Variants in ANO10 observed in about 807,000 individuals in gnomAD.
The protein encoded by ANO10 is anoctamin 10.
In ANO10, 77 loss-of-function variants were observed where a neutral mutation model predicts 74.7. The observed-to-expected ratio is 1.03, with a 90% CI of 0.86 to 1.25. The LOEUF (loss-of-function observed/expected upper bound fraction) is 1.25, where lower values mean the gene tolerates loss of function less well. Among genes scored for constraint, ANO10 ranks in the 50% most tolerant of loss-of-function variants. ANO10 has a pLI of 0.00. For missense variants in ANO10, 721 were observed against 778.1 expected (o/e 0.93, Z 0.87); for synonymous variants, 279 against 284.9 (o/e 0.98, Z 0.21).
intron 7 of ANO10, among the ~76,000 whole-genome samples, chr3:43,568,346 C>G (rs1382406274): frequency 6.6e-6 from 1 of 152,194 alleles, no homozygotes; most frequent in East Asian, 1.9e-4. Flanking sequence ...TAATAGACAT[C>G]TACAGAACTC....
At chr3:43,550,000 G>A in intron 10 of ANO10, 152 bp from the exon 11 acceptor site, 1 of 891,734 alleles carries the variant, frequency 1.1e-6, no homozygotes. Context: ...GTCATGGTAT[G>A]ATTTTTTTAG....
intron 1 of ANO10, chr3:43,689,465 A>T (rs2084322379): frequency 6.6e-6 from 1 of 152,228 alleles, no homozygotes; most frequent in Non-Finnish European, 1.5e-5. Context: ...TTCATGAAAC[A>T]ACCAGGAATT....
chr3:43,468,123 T>C (rs2075703454), intron 11 of ANO10, among the ~76,000 whole-genome samples: 1 of 152,258 alleles, frequency 6.6e-6, no homozygotes, highest in South Asian at 2.1e-4. Context: ...ATTACTTTCC[T>C]GCTTTGGCCA....
intron 9 of ANO10, among the ~76,000 whole-genome samples, chr3:43,560,243 C>T (rs1209208962): frequency 6.6e-6 from 1 of 152,178 alleles, no homozygotes; most frequent in Admixed American, 6.5e-5. Flanking sequence ...TCCTCATCAC[C>T]ACCACAAGAT....
rs551605941 is a variant in ANO10, at chr3:43,634,620, A to T, written c.-11-28757T>A. 9.2e-5 allele frequency among the ~76,000 whole-genome samples: 14 copies of T among 152,330 alleles called. 1 individual carries two copies. The highest frequency in any genetic ancestry group is 3.4e-3 in the Middle Eastern group (1 of 294). On this transcript the variant is annotated intron_variant, in intron 1 of 3. Transcript: ENST00000413397. ...AGGCAGGTGCAAAATCTAAAACAAGAAGCACTTAAGTTTCATCCAGTGCCT... is the reference window on the plus strand; with the variant it reads ...AGGCAGGTGCAAAATCTAAAACAAGTAGCACTTAAGTTTCATCCAGTGCCT...
At chr3:43,682,441 G>T (rs1330904556) in intron 1 of ANO10, among the ~76,000 whole-genome samples, 1 of 152,150 alleles carries the variant, frequency 6.6e-6, no homozygotes, top group Admixed American at 6.5e-5. Flanking sequence ...ACAATTAATA[G>T]CTTACCAACC....
intron 4 of ANO10, among the ~76,000 whole-genome samples, chr3:43,584,499 C>A (rs1021366310): frequency 6.6e-6 from 1 of 152,162 alleles, no homozygotes; most frequent in African/African-American, 2.4e-5. Flanking sequence ...CCGGACTAAG[C>A]AGCTGAGACA....
intron 11 of ANO10, among the ~76,000 whole-genome samples, chr3:43,476,535 A>AT (rs2076072004): frequency 6.6e-6 from 1 of 152,180 alleles, no homozygotes; most frequent in African/African-American, 2.4e-5. Context: ...GTTATATCAG[A>AT]TAAAAACTTC....
intron 7 of ANO10, among the ~76,000 whole-genome samples, chr3:43,568,623 T>G (rs1387920953): frequency 4.0e-5 from 6 of 149,596 alleles, no homozygotes; most frequent in South Asian, 2.2e-4. Context: ...AATAAAGATG[T>G]TCTTTGAAAC....
At chr3:43,537,791 C>T (rs571426957) in intron 11 of ANO10, among the ~76,000 whole-genome samples, 1 of 152,202 alleles carries the variant, frequency 6.6e-6, no homozygotes, top group South Asian at 2.1e-4. Context: ...ACTGGGAACA[C>T]ATTTTATTAG....
At chr3:43,592,066 G>A (rs2081799814) in intron 4 of ANO10, among the ~76,000 whole-genome samples, 2 of 152,346 alleles carry the variant, frequency 1.3e-5, no homozygotes, top group Non-Finnish European at 1.5e-5. Context: ...GCCCGCCATT[G>A]CTGAAGCTTG....
At chr3:43,455,893 T>TA (rs1259389306) in intron 11 of ANO10, among the ~76,000 whole-genome samples, 1 of 152,232 alleles carries the variant, frequency 6.6e-6, no homozygotes, top group Non-Finnish European at 1.5e-5. Context: ...ATTTACTTGT[T>TA]AGAGTAACAT....
At chr3:43,440,901 G>A (rs752462674) in intron 11 of ANO10, among the ~76,000 whole-genome samples, 14 of 151,980 alleles carry the variant, frequency 9.2e-5, no homozygotes, top group Non-Finnish European at 1.5e-4. Flanking sequence ...CAAAAGGAAA[G>A]TGGAAAATTC....
At chr3:43,513,922 A>C (rs933019429) in intron 11 of ANO10, among the ~76,000 whole-genome samples, 1 of 150,690 alleles carries the variant, frequency 6.6e-6, no homozygotes, top group East Asian at 1.9e-4. Context: ...TTTAATATTA[A>C]TATTAAATAT....
chr3:43,374,482 G>A (rs72863647), intron 12 of ANO10, among the ~76,000 whole-genome samples: 7,786 of 152,228 alleles, frequency 0.051, 539 homozygotes, highest in African/African-American at 0.16. Context: ...AGCCCAGGCC[G>A]TCTGGCTCCA....
At chr3:43,549,273 A>ACATCAGGTACCAAATTAC (rs993722143) in intron 11 of ANO10, among the ~76,000 whole-genome samples, 1 of 125,248 alleles carries the variant, frequency 8.0e-6, no homozygotes, top group Non-Finnish European at 1.6e-5. Context: ...GTACCAAATT[A>ACATCAGGTACCAAATTAC]CATCAGGTAC....
intron 1 of ANO10, among the ~76,000 whole-genome samples, chr3:43,685,461 GTCTT>G (rs1355179936): frequency 9.9e-5 from 15 of 152,090 alleles, no homozygotes; most frequent in Admixed American, 7.2e-4. Context: ...TCTTATTAAT[GTCTT>G]TCTTTTTTTT....
In ANO10 at chr3:43,422,155, C is replaced by T. The variant is rs180677669; in HGVS notation, c.1914+10456G>A. Among the ~76,000 whole-genome samples the T allele has an allele frequency of 1.9e-3, 286 of 152,214 alleles. 1 individual carries two copies. The highest frequency in any genetic ancestry group is 4.9e-3 in the African/African-American group (203 of 41,538). Reference sequence around the variant, plus strand: ...TTTTTGAGATGGAGTCTCGCTCTGTCGCCCAGGCTGGAGTGCAGTGGTGAG... The same window carrying T: ...TTTTTGAGATGGAGTCTCGCTCTGTTGCCCAGGCTGGAGTGCAGTGGTGAG... On this transcript the variant is annotated intron_variant, in intron 12 of 12. Transcript: ENST00000292246.
chr3:43,490,428 A>G (rs936443908), intron 11 of ANO10, among the ~76,000 whole-genome samples: 27 of 152,220 alleles, frequency 1.8e-4, no homozygotes, highest in Non-Finnish European at 2.8e-4. Flanking sequence ...GGGGGAAGAA[A>G]AGTATTTTAG....
Sources: allele counts gnomAD v4.1 joint callset (sites outside exome capture counted in the v4.1 genomes callset), GRCh38; gene constraint gnomAD v4.1.1; transcripts MANE v1.5; gene names NCBI Gene and HGNC (gene_info 2026-07-23, HGNC 2026-07-21).